Variants in DISP3 observed in about 807,000 individuals in gnomAD.
DISP3 encodes the protein dispatched RND transporter family member 3.
In DISP3, 101 loss-of-function variants were observed where a neutral mutation model predicts 135.3. The observed-to-expected ratio is 0.75, with a 90% CI of 0.64 to 0.88. DISP3 has a LOEUF of 0.88. Ranked by LOEUF, DISP3 falls within the 40% of genes least tolerant of loss-of-function variation. DISP3 has a pLI of 0.00. For missense variants in DISP3, 1,713 were observed against 1,878.6 expected (o/e 0.91, Z 1.63); for synonymous variants, 856 against 817.0 (o/e 1.05, Z -0.81).
Position 11,516,311 on chromosome 1 carries a change from G to A in DISP3, c.1749+150G>A, listed in dbSNP as rs977417251. 13 of 930,320 alleles carry A rather than the reference G, an allele frequency of 1.4e-5. No individual in the cohort carries two copies. The highest frequency in any genetic ancestry group is 6.8e-4 in the Middle Eastern group (2 of 2,920). The allele number at this position is 930,320 out of a possible 1,614,324, so 57.6% of individuals were successfully genotyped here. ...TGGCTCTAGAGTTCATTTTTGTCAC[G>A]AATCACCCATTACCCAAACTTAACA... On this transcript the variant is annotated intron_variant, in intron 6 of 20. Transcript: ENST00000294484. This position sits in a 1 kb window ranked among gnomAD's most constrained non-coding sequence, Gnocchi z 5.1.
intron 17 of DISP3, among the ~76,000 whole-genome samples, chr1:11,533,389 G>A (rs1275071565): frequency 6.6e-6 from 1 of 151,546 alleles, no homozygotes; most frequent in African/African-American, 2.4e-5. Context: ...CCAAGTAGCT[G>A]GGATTACAAG....
In DISP3 at chr1:11,520,355, G is replaced by A. The variant is rs913161774; in HGVS notation, c.2201-332G>A. On this transcript the variant is annotated intron_variant, in intron 9 of 20. Coordinates refer to ENST00000294484, the MANE Select transcript of DISP3 (RefSeq NM_020780.2). This position sits in a 1 kb window ranked among gnomAD's most constrained non-coding sequence, Gnocchi z 4.8. ...AAGTGCTATTATCATTGTCATCTTC[G>A]ACACTATTTCAGAGTTGTGTGAGAT... is the stretch of plus-strand genomic sequence containing the variant. 7.9e-5 allele frequency among the ~76,000 whole-genome samples: 12 copies of A among 152,132 alleles called. No homozygotes were observed. Among genetic ancestry groups the A allele is most frequent in the Admixed American group, 5.2e-4 (8 of 15,276 alleles).
chr1:11,484,760 G>A (rs889865446), intron 1 of DISP3, among the ~76,000 whole-genome samples: 1 of 152,164 alleles, frequency 6.6e-6, no homozygotes, highest in African/African-American at 2.4e-5. Context: ...GGAACAAGGG[G>A]GTGGTAAGGA....
chr1:11,503,043 T>C, intron 3 of DISP3, 146 bp downstream of exon 3: 1 of 724,474 alleles, frequency 1.4e-6, no homozygotes, highest in Non-Finnish European at 2.2e-6. Context: ...AGTACATCCT[T>C]GCAGTCTCTC....
In DISP3 at chr1:11,499,364, C is replaced by T. The variant is rs965136681; in HGVS notation, c.-3-1626C>T. ...GCTTTCTTCTTCTAAGGCCAAGAAT[C>T]GGGCAGAGGCTCCCACACTCACCTC... On this transcript the variant is annotated intron_variant, in intron 1 of 20. Coordinates refer to ENST00000294484, the MANE Select transcript of DISP3 (RefSeq NM_020780.2). This position sits in a 1 kb window ranked among gnomAD's most constrained non-coding sequence, Gnocchi z 5.2. 3.9e-5 allele frequency among the ~76,000 whole-genome samples: 6 copies of T among 152,216 alleles called. No individual in the cohort carries two copies. Among genetic ancestry groups the T allele is most frequent in the Admixed American group, 2.6e-4 (4 of 15,306 alleles).
chr1:11,521,058 G>A (rs1018505857), intron 10 of DISP3, among the ~76,000 whole-genome samples: 7 of 152,252 alleles, frequency 4.6e-5, no homozygotes, highest in East Asian at 1.9e-4. Flanking sequence ...TACTGTGGGC[G>A]GGAGGCATAG....
chr1:11,490,502 C>T (rs1333789189), intron 1 of DISP3, among the ~76,000 whole-genome samples: 3 of 152,318 alleles, frequency 2.0e-5, no homozygotes, highest in African/African-American at 2.4e-5. Context: ...CTCCTGACCT[C>T]GGGTGATCTG....
At position 11,529,825 on chromosome 1, in the gene DISP3, C is replaced by T. The variant is rs1054725133; in HGVS notation, c.2968C>T (p.Pro990Ser). The T allele has an allele frequency of 6.2e-7, 1 of 1,613,962 alleles. No homozygotes were observed. The highest frequency in any genetic ancestry group is 8.5e-7 in the Non-Finnish European group (1 of 1,180,014). The change falls in exon 15 of 21, where the codon CCC (proline) becomes TCC (serine). Residue 990 changes from proline (P) to serine (S), a missense_variant. Pro to Ser is a moderately conservative substitution (Grantham distance 74). Coordinates refer to ENST00000294484, the MANE Select transcript of DISP3 (RefSeq NM_020780.2). The surrounding 1 kb of genome is among the most constrained non-coding windows in gnomAD (Gnocchi z 4.7). Reference protein sequence around the residue: ...ARLSATFGFNPCVNTGCGKPA... With the variant: ...ARLSATFGFNSCVNTGCGKPA... ...TCTCTCAGCCACCTTCGGCTTCAAC[C>T]CCTGCGTGAACACGGGCTGCGGGAA...
intron 1 of DISP3, among the ~76,000 whole-genome samples, chr1:11,497,502 C>T (rs1490205100): frequency 2.0e-5 from 3 of 152,192 alleles, no homozygotes; most frequent in African/African-American, 7.2e-5. Context: ...CATTCTCTTG[C>T]CTCAGCCCCC....
At position 11,525,189 on chromosome 1, in the gene DISP3, C is replaced by T. The variant is rs143907231; in HGVS notation, c.2490C>T (p.Thr830=). Reference sequence around the variant, plus strand: ...ATTTGTCCGTAGATTTCCCAGGCACCGTGTACATCTCTAAAGTGAAGAGTC... The same window carrying T: ...ATTTGTCCGTAGATTTCCCAGGCACTGTGTACATCTCTAAAGTGAAGAGTC... ...PEATLQDFPG[T]VYISKVKSQG... is the part of the protein sequence containing the mutation. Residue 830 remains threonine (T), a synonymous_variant, in exon 12 of 21, where the codon ACC becomes ACT. Coordinates refer to ENST00000294484, the MANE Select transcript of DISP3 (RefSeq NM_020780.2). 245 of 1,613,782 alleles carry T rather than the reference C, an allele frequency of 1.5e-4. No individual in the cohort carries two copies. The African/African-American group carries it at 2.6e-3, about 17-fold the overall frequency.
At chr1:11,496,956 G>A (rs1022409864) in intron 1 of DISP3, among the ~76,000 whole-genome samples, 1 of 152,244 alleles carries the variant, frequency 6.6e-6, no homozygotes, top group Non-Finnish European at 1.5e-5. Context: ...CACGTGGGTT[G>A]ACCACCAGTC....
intron 1 of DISP3, among the ~76,000 whole-genome samples, chr1:11,498,633 ATAT>A (rs1403369153): frequency 1.3e-5 from 2 of 152,146 alleles, no homozygotes; most frequent in Non-Finnish European, 2.9e-5. Context: ...GAGATGGCAG[ATAT>A]TGTTGCAGCC....
In DISP3 at chr1:11,520,689, C is replaced by G; in HGVS notation, c.2203C>G (p.Leu735Val). 1 of 1,612,970 alleles carries G rather than the reference C, an allele frequency of 6.2e-7. No homozygotes were observed. Among genetic ancestry groups the G allele is most frequent in the Non-Finnish European group, 8.5e-7 (1 of 1,179,728 alleles). The change falls in exon 10 of 21, where the codon CTG becomes GTG. Residue 735 changes from leucine (L) to valine (V), a missense_variant and splice_region_variant. Around this residue, in one of 2 missense-constraint regions of DISP3, gnomAD observed 1,142 missense variants for 1,384.6 expected, o/e 0.82. Coordinates refer to ENST00000294484, the MANE Select transcript of DISP3 (RefSeq NM_020780.2). The surrounding 1 kb of genome is among the most constrained non-coding windows in gnomAD (Gnocchi z 4.8). ...GGTGTAGCGCCCTTTCCTCACAGGG[C>G]TGTTCGTCTCCATCCTCATCTTGTC... ...AVKSRWVIVG[L>V]FVSILILSLV...
chr1:11,519,520 G>T lies in DISP3; in HGVS notation c.2038+17G>T, dbSNP rs1041760648. On this transcript the variant is annotated intron_variant, in intron 8 of 20. Transcript: ENST00000294484. This position sits in a 1 kb window ranked among gnomAD's most constrained non-coding sequence, Gnocchi z 4.3. The stretch of plus-strand genomic sequence containing the variant: ...AAGAGCCAGGTGAGAGCTGGCACAG[G>T]CCTGCCCTACTGACCCCAGTGAGAC... The T allele has an allele frequency of 6.2e-6, 10 of 1,612,708 alleles. No homozygotes were observed. The highest frequency in any genetic ancestry group is 1.7e-6 in the Non-Finnish European group (2 of 1,179,876).
At position 11,502,690 on chromosome 1, in the gene DISP3, T is replaced by G; in HGVS notation, c.1109T>G (p.Leu370Arg). Residue 370 changes from leucine to arginine, a missense_variant, in exon 3 of 21, where the codon CTG becomes CGG. Leu to Arg is a moderately radical substitution (Grantham distance 102). Transcript: ENST00000294484. ...DLADIRGSLE[L>R]AMTHPEFYWY... ...CCTGTCCTTGCAGGCTCCCTGGAGC[T>G]GGCCATGACTCACCCTGAGTTCTAC... 1.2e-6 allele frequency: 2 copies of G among 1,613,930 alleles called. No individual in the cohort carries two copies. The highest frequency in any genetic ancestry group is 1.7e-6 in the Non-Finnish European group (2 of 1,179,914).
rs1642530091 is a variant in DISP3 at position 11,529,872 on chromosome 1, G to A, written c.3015G>A (p.Val1005=). 2 of 1,613,928 alleles carry A rather than the reference G, an allele frequency of 1.2e-6. No individual in the cohort carries two copies. The highest frequency in any genetic ancestry group is 1.3e-5 in the African/African-American group (1 of 74,950). The part of the protein sequence containing the change: ...GCGKPAVRPL[V]DTGAMVFVVF... ...GGAAGCCGGCGGTGCGGCCACTAGT[G>A]GATACCGGGGCCATGGTCTTTGTGG... Residue 1005 remains valine (V), a synonymous_variant, in exon 15 of 21, where the codon GTG becomes GTA. Coordinates refer to ENST00000294484, the MANE Select transcript of DISP3 (RefSeq NM_020780.2). The surrounding 1 kb of genome is among the most constrained non-coding windows in gnomAD (Gnocchi z 4.7).
intron 1 of DISP3, among the ~76,000 whole-genome samples, chr1:11,480,087 C>A (rs1221804591): frequency 6.6e-6 from 1 of 151,618 alleles, no homozygotes; most frequent in Non-Finnish European, 1.5e-5. Context: ...GCCAACCCCA[C>A]CGCCGGGAGA....
At chr1:11,522,922 A>AGGGCCCAGCC (rs1642283533) in intron 10 of DISP3, among the ~76,000 whole-genome samples, 1 of 22,628 alleles carries the variant, frequency 4.4e-5, no homozygotes, top group Non-Finnish European at 8.9e-5. Context: ...AGGACCCAGC[A>AGGGCCCAGCC]AGGACCCAGC....
rs1642429384 is a variant in DISP3 at position 11,526,699 on chromosome 1, A to G, written c.2662A>G (p.Met888Val). 1.9e-6 allele frequency: 3 copies of G among 1,614,128 alleles called. No individual in the cohort carries two copies. Among genetic ancestry groups the G allele is most frequent in the African/African-American group, 2.7e-5 (2 of 75,050 alleles). ...CTTCACCAAGAAGCTGACCGCTTGT[A>G]TGTCTACAGTAGGGCTGCTCCAGGC... ...GNFTKKLTAC[M>V]STVGLLQAAS... Residue 888 changes from methionine to valine, a missense_variant, in exon 13 of 21, where the codon ATG becomes GTG. Met to Val is a conservative substitution (Grantham distance 21). Transcript: ENST00000294484.
Sources: gnomAD v4.1 joint callset for allele counts (sites outside exome capture counted in the v4.1 genomes callset) on GRCh38, gnomAD v4.1.1 for gene constraint, gnomAD v4.1.1 regional missense constraint, Gnocchi (gnomAD v3.1) non-coding constraint, MANE v1.5 for transcripts, NCBI Gene and HGNC (gene_info 2026-07-23, HGNC 2026-07-21) for gene names.